The following SLC35D4 variants were observed in gnomAD, a reference collection of about 807,000 sequenced individuals.
The protein encoded by SLC35D4 is solute carrier family 35 member D4, also known as UDP-N-acetylglucosamine transporter SLC35D4.
the SLC35D4 span, among the ~76,000 whole-genome samples, chr18:23,422,243 C>T: frequency 6.6e-6 from 1 of 151,812 alleles, no homozygotes; most frequent in Non-Finnish European, 1.5e-5. Flanking sequence ...AATAGTATAC[C>T]TTGTGCCCAA....
At chr18:23,252,777 C>T in the SLC35D4 span, among the ~76,000 whole-genome samples, 4 of 152,184 alleles carry the variant, frequency 2.6e-5, no homozygotes, top group Non-Finnish European at 4.4e-5. Flanking sequence ...GTTTTCCGTT[C>T]GCCTCCAGAA....
the SLC35D4 span, among the ~76,000 whole-genome samples, chr18:23,422,542 C>A: frequency 4.6e-5 from 7 of 152,318 alleles, no homozygotes; most frequent in South Asian, 1.4e-3. Context: ...TCATCTCATG[C>A]CTGGCTCACA....
At chr18:23,305,627 G>A in the SLC35D4 span, among the ~76,000 whole-genome samples, 1 of 152,184 alleles carries the variant, frequency 6.6e-6, no homozygotes, top group East Asian at 1.9e-4. Flanking sequence ...AAAAGAAGAG[G>A]AAGACATAGC....
chr18:23,327,187 A>G, the SLC35D4 span, among the ~76,000 whole-genome samples: 1 of 152,226 alleles, frequency 6.6e-6, no homozygotes, highest in East Asian at 1.9e-4. Context: ...AAGGCAAGAA[A>G]TAACTAAGAT....
the SLC35D4 span, among the ~76,000 whole-genome samples, chr18:23,433,974 A>T: frequency 6.6e-6 from 1 of 152,180 alleles, no homozygotes; most frequent in Non-Finnish European, 1.5e-5. Flanking sequence ...TGCTCATAGT[A>T]GGATATGCTC....
At chr18:23,404,992 C>CA in the SLC35D4 span, among the ~76,000 whole-genome samples, 246 of 44,412 alleles carry the variant, frequency 5.5e-3, 8 homozygotes, top group Non-Finnish European at 5.9e-3. Flanking sequence ...GACTCCGTCT[C>CA]AAAAAAAAAA....
chr18:23,317,833 C>G, the SLC35D4 span, among the ~76,000 whole-genome samples: 111,664 of 151,810 alleles, frequency 0.74, 41,356 homozygotes, highest in Middle Eastern at 0.82. Flanking sequence ...TCCGCCTCCA[C>G]GGTTCAAGCG....
the SLC35D4 span, among the ~76,000 whole-genome samples, chr18:23,341,630 G>T: frequency 6.6e-6 from 1 of 152,176 alleles, no homozygotes; most frequent in Non-Finnish European, 1.5e-5. Context: ...TGCTAAGTAC[G>T]ATTTTGTCGT....
At chr18:23,373,903 C>T in the SLC35D4 span, 2 of 750,308 alleles carry the variant, frequency 2.7e-6, no homozygotes, top group South Asian at 1.9e-5. Context: ...TCTGTCCTTC[C>T]TCTGTGAACC....
At chr18:23,311,021 T>C in the SLC35D4 span, among the ~76,000 whole-genome samples, 3,750 of 151,930 alleles carry the variant, frequency 0.025, 52 homozygotes, top group Middle Eastern at 0.056. Flanking sequence ...AAGTGGAGAC[T>C]AGTGGTGGCT....
the SLC35D4 span, among the ~76,000 whole-genome samples, chr18:23,383,930 T>C: frequency 7.3e-6 from 1 of 137,510 alleles, no homozygotes; most frequent in Non-Finnish European, 1.5e-5. Context: ...CCTCCTTTCC[T>C]GCACACCTGT....
chr18:23,414,331 A>AAGGAAGGCAGGC, the SLC35D4 span, among the ~76,000 whole-genome samples: 161 of 140,536 alleles, frequency 1.1e-3, 1 homozygote, highest in African/African-American at 1.4e-3. Context: ...GGAAGGAAGG[A>AAGGAAGGCAGGC]AGGCAGGCAG....
chr18:23,318,607 A>AC, the SLC35D4 span, among the ~76,000 whole-genome samples: 4 of 152,290 alleles, frequency 2.6e-5, no homozygotes, highest in East Asian at 5.8e-4. Flanking sequence ...CTATCTTCAA[A>AC]CATTATATTT....
chr18:23,355,676 A>C, the SLC35D4 span, among the ~76,000 whole-genome samples: 2 of 151,920 alleles, frequency 1.3e-5, no homozygotes, highest in Non-Finnish European at 2.9e-5. Flanking sequence ...CATTGTAAAG[A>C]ATCACTGCTT....
At chr18:23,266,929 G>C in the SLC35D4 span, among the ~76,000 whole-genome samples, 1 of 152,222 alleles carries the variant, frequency 6.6e-6, no homozygotes, top group East Asian at 1.9e-4. Context: ...TCGCTGATGA[G>C]GGGCTGGTGG....
At chr18:23,400,895 G>A in the SLC35D4 span, among the ~76,000 whole-genome samples, 1 of 152,012 alleles carries the variant, frequency 6.6e-6, no homozygotes, top group African/African-American at 2.4e-5. Flanking sequence ...GTCTAGCAAG[G>A]GCCTTCAATC....
chr18:23,320,014 G>C, the SLC35D4 span, among the ~76,000 whole-genome samples: 2 of 152,160 alleles, frequency 1.3e-5, no homozygotes, highest in East Asian at 1.9e-4. Flanking sequence ...TGGGGTTTGG[G>C]AGCTTCTTGA....
chr18:23,247,846 G>A, the SLC35D4 span, among the ~76,000 whole-genome samples: 35 of 152,342 alleles, frequency 2.3e-4, no homozygotes, highest in Admixed American at 5.9e-4. Flanking sequence ...GGAGAGCCTC[G>A]TCCTCCTGGT....
At chr18:23,271,859 G>A in the SLC35D4 span, among the ~76,000 whole-genome samples, 2 of 152,176 alleles carry the variant, frequency 1.3e-5, no homozygotes, top group Non-Finnish European at 2.9e-5. Context: ...CTTCCTGATA[G>A]CTAAACATGT....
Sources: allele counts gnomAD v4.1 joint callset (sites outside exome capture counted in the v4.1 genomes callset), GRCh38; gene constraint gnomAD v4.1.1; transcripts MANE v1.5; gene names NCBI Gene and HGNC (gene_info 2026-07-23, HGNC 2026-07-21).